Variants in TTC27 observed in about 807,000 individuals in gnomAD.
TTC27 encodes the protein tetratricopeptide repeat domain 27.
Under a neutral mutation model 115.9 loss-of-function variants are expected in TTC27, and 79 were observed. The observed-to-expected ratio is 0.68, with a 90% CI of 0.57 to 0.82. TTC27 has a LOEUF of 0.82. TTC27 is among the 40% of genes least tolerant of loss of function. The pLI, the probability that TTC27 is intolerant of heterozygous loss-of-function variation, is 0.00. For synonymous variants in TTC27, 401 were observed against 356.0 expected (o/e 1.13, Z -1.42); for missense variants, 1,054 against 993.1 (o/e 1.06, Z -0.82).
At chr2:32,629,023 G>T (rs1482605095) in intron 1 of TTC27, among the ~76,000 whole-genome samples, 1 of 151,924 alleles carries the variant, frequency 6.6e-6, no homozygotes, top group Non-Finnish European at 1.5e-5. Flanking sequence ...GCCTCCCAAA[G>T]TGCTGGGATT....
rs1669043493 is a variant in TTC27 at position 32,752,208 on chromosome 2, A to AAAG, written c.1453-6084_1453-6083insAAG. Among the ~76,000 whole-genome samples, 3 of 152,346 alleles carry AAAG rather than the reference A, an allele frequency of 2.0e-5. No individual in the cohort carries two copies. The East Asian group carries it at 5.8e-4, about 29-fold the overall frequency. On this transcript the variant is annotated intron_variant, in intron 12 of 19. Transcript: ENST00000317907. ...TAAGCTTTTCCCCAGCTTACACGGA[A>AAAG]CATCTACCATAGCACTTTTCAAAAA...
At chr2:32,795,724 T>TATATTATTATTATTATTA (rs1558348121) in intron 16 of TTC27, among the ~76,000 whole-genome samples, 38 of 54,804 alleles carry the variant, frequency 6.9e-4, no homozygotes, top group African/African-American at 3.3e-3. Flanking sequence ...GGCTAATTTT[T>TATATTATTATTATTATTA]GTATTATTAT....
chr2:32,683,090 C>T (rs1357211818), intron 9 of TTC27, among the ~76,000 whole-genome samples: 2 of 151,760 alleles, frequency 1.3e-5, no homozygotes, highest in African/African-American at 4.8e-5. Context: ...CTCCTGACCT[C>T]GTGATCTACC....
At chr2:32,736,067 AT>A (rs993514654) in intron 11 of TTC27, among the ~76,000 whole-genome samples, 11 of 151,920 alleles carry the variant, frequency 7.2e-5, no homozygotes, top group East Asian at 3.8e-4. Context: ...AAATCTTTAA[AT>A]TTTTTTTCCC....
At chr2:32,704,821 G>A (rs1460314184) in intron 10 of TTC27, 1 of 468,092 alleles carries the variant, frequency 2.1e-6, no homozygotes, top group Admixed American at 2.4e-5. Context: ...AATTTTGGCT[G>A]TCATATTGTA....
intron 9 of TTC27, among the ~76,000 whole-genome samples, chr2:32,696,296 T>G (rs1666986444): frequency 6.6e-6 from 1 of 151,652 alleles, no homozygotes; most frequent in Non-Finnish European, 1.5e-5. Flanking sequence ...TTTTATTTAT[T>G]TTTTATTTTT....
intron 10 of TTC27, among the ~76,000 whole-genome samples, chr2:32,723,728 CTCCT>C (rs3077160): frequency 0.019 from 547 of 29,490 alleles, 8 homozygotes; most frequent in East Asian, 0.044. Flanking sequence ...CCCTCCCTCC[CTCCT>C]TCCTTCCTTC....
chr2:32,736,582 A>G, intron 11 of TTC27, 112 bp from the exon 12 acceptor site: 1 of 1,136,386 alleles, frequency 8.8e-7, no homozygotes, highest in Non-Finnish European at 1.3e-6. Flanking sequence ...GAATTTATAC[A>G]TTTATTACAA....
chr2:32,766,294 C>A (rs1267371466), intron 13 of TTC27, among the ~76,000 whole-genome samples: 1 of 152,128 alleles, frequency 6.6e-6, no homozygotes. Flanking sequence ...TTTATCATTT[C>A]TTTTTGGTAA....
intron 16 of TTC27, among the ~76,000 whole-genome samples, chr2:32,799,588 C>G (rs187176987): frequency 1.3e-5 from 2 of 152,176 alleles, no homozygotes; most frequent in Admixed American, 1.3e-4. Context: ...TGCTTGAACT[C>G]TGAAGCAGTA....
intron 9 of TTC27, among the ~76,000 whole-genome samples, chr2:32,681,690 A>G (rs1294034013): frequency 1.4e-5 from 2 of 146,678 alleles, no homozygotes; most frequent in Non-Finnish European, 3.0e-5. Flanking sequence ...GTGTTAGATG[A>G]TGTTTCCCAA....
At chr2:32,726,301 A>G (rs1668107010) in intron 10 of TTC27, among the ~76,000 whole-genome samples, 1 of 152,276 alleles carries the variant, frequency 6.6e-6, no homozygotes. Flanking sequence ...CCGAACTTTT[A>G]TGCTCTGCTT....
intron 12 of TTC27, among the ~76,000 whole-genome samples, chr2:32,755,118 G>T (rs1323492488): frequency 6.6e-6 from 1 of 151,916 alleles, no homozygotes; most frequent in Non-Finnish European, 1.5e-5. Context: ...GGCGGGCAGA[G>T]ATGCTCCTCA....
At chr2:32,697,140 C>T (rs748998810) in intron 9 of TTC27, among the ~76,000 whole-genome samples, 3 of 150,680 alleles carry the variant, frequency 2.0e-5, no homozygotes, top group Admixed American at 6.6e-5. Context: ...TGCAGTAAGC[C>T]GAGACTGCAC....
intron 4 of TTC27, among the ~76,000 whole-genome samples, chr2:32,644,180 C>CA (rs70938356): frequency 0.32 from 24,250 of 75,084 alleles, 3,181 homozygotes; most frequent in African/African-American, 0.42. Context: ...GACTCTGTTT[C>CA]AAAAAAAAAA....
intron 12 of TTC27, among the ~76,000 whole-genome samples, chr2:32,742,595 A>G (rs1195583399): frequency 6.6e-6 from 1 of 152,174 alleles, no homozygotes; most frequent in Non-Finnish European, 1.5e-5. Flanking sequence ...TGCACTTGTC[A>G]CCTCTCAGCT....
At chr2:32,715,373 A>G (rs1667719722) in intron 10 of TTC27, among the ~76,000 whole-genome samples, 1 of 152,130 alleles carries the variant, frequency 6.6e-6, no homozygotes. Flanking sequence ...CTCAAAGATC[A>G]CATGTTGTAG....
intron 7 of TTC27, 57 bp from the exon 8 acceptor site, chr2:32,672,214 CT>C: frequency 7.8e-7 from 1 of 1,274,806 alleles, no homozygotes; most frequent in Non-Finnish European, 1.1e-6. Context: ...ACATGCCATT[CT>C]GGTGAATGAA....
chr2:32,683,530 T>C (rs1666517049), intron 9 of TTC27, among the ~76,000 whole-genome samples: 1 of 152,206 alleles, frequency 6.6e-6, no homozygotes, highest in Non-Finnish European at 1.5e-5. Flanking sequence ...ATATGAAATA[T>C]GCTGGGAAAA....
Sources: allele counts gnomAD v4.1 joint callset (sites outside exome capture counted in the v4.1 genomes callset), GRCh38; gene constraint gnomAD v4.1.1; transcripts MANE v1.5; gene names NCBI Gene and HGNC (gene_info 2026-07-23, HGNC 2026-07-21).